Variants in DTNA observed in about 807,000 individuals in gnomAD.
DTNA encodes the protein dystrophin-related protein 3.
Under a neutral mutation model 100.7 loss-of-function variants are expected in DTNA, and 43 were observed. That is an observed-to-expected ratio of 0.43 (90% CI 0.33 to 0.55). DTNA has a LOEUF of 0.55. Ranked by LOEUF, DTNA falls within the 20% of genes least tolerant of loss-of-function variation. DTNA has a pLI of 0.04. For missense variants in DTNA, 798 were observed against 953.9 expected, an observed-to-expected ratio of 0.84 and a Z score of 2.15; for synonymous variants, 349 against 347.9, an observed-to-expected ratio of 1.00 and a Z score of -0.04.
intron 1 of DTNA, among the ~76,000 whole-genome samples, chr18:34,495,159 C>T (rs1336234374): frequency 2.0e-5 from 3 of 152,186 alleles, no homozygotes; most frequent in Non-Finnish European, 4.4e-5. Context: ...TACCTAAAGT[C>T]TTCTATACTG....
intron 1 of DTNA, among the ~76,000 whole-genome samples, chr18:34,544,346 C>T (rs1000898305): frequency 2.0e-5 from 3 of 152,098 alleles, no homozygotes; most frequent in African/African-American, 7.2e-5. Context: ...AATAGAAACT[C>T]TTGCTATAGC....
chr18:34,877,700 T>C lies in DTNA; in HGVS notation c.1904-19T>C. The C allele has an allele frequency of 6.2e-7, 1 of 1,609,212 alleles. No homozygotes were observed. ...AGAAGGAAGCTTTGGTTTTTTAAAT[T>C]ATTTCTTCTTCCCTGAAGGTTCAAG... is the stretch of plus-strand genomic sequence containing the variant. On this transcript the variant is annotated intron_variant, in intron 18 of 22. Transcript: ENST00000444659.
Position 34,824,932 on chromosome 18 carries a change from TA to T in DTNA, c.1002-2640del, listed in dbSNP as rs35456039. 0.18 allele frequency among the ~76,000 whole-genome samples: 17,647 copies of T among 96,728 alleles called. 1,125 individuals carry two copies. Among genetic ancestry groups the T allele is most frequent in the East Asian group, 0.28 (944 of 3,402 alleles). The allele number at this position is 96,728 out of a possible 152,430, so 63.5% of individuals were successfully genotyped here. On this transcript the variant is annotated intron_variant, in intron 9 of 22. Coordinates refer to ENST00000444659, the MANE Select transcript of DTNA (RefSeq NM_001386795.1). ...ATTTTACAGGTAGCCTTAGATACAG[TA>T]AAAAAAAAAAAAAAAAAAAATTAAA...
chr18:34,519,117 A>G (rs2041937094), intron 1 of DTNA, among the ~76,000 whole-genome samples: 2 of 152,144 alleles, frequency 1.3e-5, no homozygotes, highest in South Asian at 2.1e-4. Context: ...AAAACAAGGA[A>G]CAGGTTTGGA....
At chr18:34,495,642 G>A (rs80099686) in intron 1 of DTNA, among the ~76,000 whole-genome samples, 5,512 of 152,214 alleles carry the variant, frequency 0.036, 317 homozygotes, top group African/African-American at 0.12. Context: ...AACTATCAGT[G>A]ATTAAAAGCA....
At position 34,889,094 on chromosome 18, in the gene DTNA, A is replaced by C; in HGVS notation, c.*1360A>C. ...ACCTCCTTTGGGAATTCTGGGGAAA[A>C]AGAAAAAGTAATCTTCTACTTGCTT... On this transcript the variant is annotated 3_prime_UTR_variant, in exon 23 of 23. Transcript: ENST00000444659. 1 of 985,292 alleles carries C rather than the reference A, an allele frequency of 1.0e-6. No individual in the cohort carries two copies. The highest frequency in any genetic ancestry group is 1.2e-6 in the Non-Finnish European group (1 of 829,930). The allele number at this position is 985,292 out of a possible 1,614,324, so 61.0% of individuals were successfully genotyped here.
At chr18:34,773,331 C>T (rs1368293988) in intron 3 of DTNA, among the ~76,000 whole-genome samples, 1 of 152,082 alleles carries the variant, frequency 6.6e-6, no homozygotes, top group Non-Finnish European at 1.5e-5. Context: ...TCTCAGATAA[C>T]GATGTATAAA....
chr18:34,507,829 AC>A (rs1476264177), intron 1 of DTNA, among the ~76,000 whole-genome samples: 2 of 152,170 alleles, frequency 1.3e-5, no homozygotes, highest in African/African-American at 4.8e-5. Context: ...ATTGTGCTAC[AC>A]GCTAACGTTG....
chr18:34,517,368 A>G (rs1228632999), intron 1 of DTNA, among the ~76,000 whole-genome samples: 1 of 152,134 alleles, frequency 6.6e-6, no homozygotes, highest in East Asian at 1.9e-4. Flanking sequence ...CAATGGTAAC[A>G]GCTTGCAAAA....
chr18:34,497,694 A>G (rs2039405733), intron 1 of DTNA, among the ~76,000 whole-genome samples: 1 of 152,180 alleles, frequency 6.6e-6, no homozygotes, highest in African/African-American at 2.4e-5. Context: ...TAAAAAAAAA[A>G]AAGTGGAAAA....
intron 1 of DTNA, among the ~76,000 whole-genome samples, chr18:34,630,728 A>C (rs764986): frequency 0.21 from 32,380 of 151,996 alleles, 4,009 homozygotes; most frequent in African/African-American, 0.33. Flanking sequence ...GCTTGGGAGA[A>C]TAATTGGATT....
rs150474854 is a variant in DTNA at position 34,816,075 on chromosome 18, C to T, written c.709+61C>T. Reference sequence around the variant, plus strand: ...AATTATTGAAATTAGGCCATTAGTTCTACAGTTAGTAAGCCCAGGCTGTTG... The same window carrying T: ...AATTATTGAAATTAGGCCATTAGTTTTACAGTTAGTAAGCCCAGGCTGTTG... On this transcript the variant is annotated intron_variant, in intron 7 of 22. Transcript: ENST00000444659. 1.4e-4 allele frequency: 206 copies of T among 1,505,624 alleles called. No homozygotes were observed. In the African/African-American group the frequency reaches 2.6e-3, roughly 19 times the overall value. 93.3% of individuals were successfully genotyped at this position (1,505,624 alleles called of 1,614,324 possible). A position where few individuals can be genotyped will look rare whatever the true frequency, so the allele number is the denominator to read the frequency against.
At position 34,813,248 on chromosome 18, in the gene DTNA, C is replaced by T. The variant is rs79683498; in HGVS notation, c.603+1135C>T. Among the ~76,000 whole-genome samples the T allele has an allele frequency of 4.5e-3, 676 of 150,516 alleles. 8 individuals are homozygous for T. The highest frequency in any genetic ancestry group is 0.016 in the African/African-American group (645 of 40,962). On this transcript the variant is annotated intron_variant, in intron 6 of 22. Transcript: ENST00000444659. ...CCCAGGACTTTGGGAGGCCGAGGCT[C>T]AGGAGCTCAGGAGTTCAAAACCAGT...
chr18:34,867,075 G>A lies in DTNA; in HGVS notation c.1743+3013G>A. 3 of 1,230,336 alleles carry A rather than the reference G, an allele frequency of 2.4e-6. 1 individual carries two copies. Among genetic ancestry groups the A allele is most frequent in the Non-Finnish European group, 2.0e-6 (2 of 987,494 alleles). The allele number at this position is 1,230,336 out of a possible 1,614,324, so 76.2% of individuals were successfully genotyped here. ...CAAGTGCATGTACCACGCTATGTATGACAATATATCCCACTCACTAGCATT... is the reference window on the plus strand; with the variant it reads ...CAAGTGCATGTACCACGCTATGTATAACAATATATCCCACTCACTAGCATT... On this transcript the variant is annotated intron_variant, in intron 17 of 22. Coordinates refer to ENST00000444659, the MANE Select transcript of DTNA (RefSeq NM_001386795.1).
intron 4 of DTNA, among the ~76,000 whole-genome samples, chr18:34,802,723 A>C (rs1172586555): frequency 3.3e-5 from 5 of 152,220 alleles, no homozygotes; most frequent in African/African-American, 4.8e-5. Context: ...ATAATCTCAC[A>C]GTCTCTATAA....
chr18:34,885,008 A>T (rs1375402317), intron 22 of DTNA, among the ~76,000 whole-genome samples: 1 of 152,214 alleles, frequency 6.6e-6, no homozygotes, highest in Non-Finnish European at 1.5e-5. Context: ...TAGCTAGGAA[A>T]ATTGGCACAA....
intron 11 of DTNA, among the ~76,000 whole-genome samples, chr18:34,834,673 CAA>C (rs1224572862): frequency 6.6e-6 from 1 of 152,080 alleles, no homozygotes; most frequent in Non-Finnish European, 1.5e-5. Context: ...AAGCCACAGA[CAA>C]GAGGTGCCAG....
chr18:34,864,764 C>G (rs981109842), intron 17 of DTNA, among the ~76,000 whole-genome samples: 1 of 152,108 alleles, frequency 6.6e-6, no homozygotes, highest in African/African-American at 2.4e-5. Context: ...CATTAGTATG[C>G]TTTATCAGTA....
Position 34,668,035 on chromosome 18 carries a change from G to A in DTNA, c.-1-87941G>A, listed in dbSNP as rs375426031. Reference sequence around the variant, plus strand: ...CTCCTTGTACCTCTGGTAGTATTCAGCTGTGAATCCATCCGGTCCTGGACT... The same window carrying A: ...CTCCTTGTACCTCTGGTAGTATTCAACTGTGAATCCATCCGGTCCTGGACT... On this transcript the variant is annotated intron_variant, in intron 1 of 19. Transcript: ENST00000283365. Among the ~76,000 whole-genome samples, 4 of 152,306 alleles carry A rather than the reference G, an allele frequency of 2.6e-5. No individual in the cohort carries two copies. The East Asian group carries it at 7.7e-4, about 29-fold the overall frequency.
Sources: gnomAD v4.1 joint callset for allele counts (sites outside exome capture counted in the v4.1 genomes callset) on GRCh38, gnomAD v4.1.1 for gene constraint, MANE v1.5 for transcripts, NCBI Gene and HGNC (gene_info 2026-07-23, HGNC 2026-07-21) for gene names.